The following CLMP variants were observed in gnomAD, a reference collection of about 807,000 sequenced individuals.
The protein encoded by CLMP is CXADR like cell adhesion molecule.
A neutral mutation model predicts 45.2 loss-of-function variants in CLMP; 27 were observed. The ratio of observed to expected loss-of-function variants is 0.60; its 90% CI spans 0.44 to 0.82. The LOEUF is 0.82. CLMP is among the 40% of genes least tolerant of loss of function. The pLI is 0.00. For missense variants in CLMP, 403 were observed against 448.4 expected (o/e 0.90, Z 0.91); for synonymous variants, 167 against 171.4 (o/e 0.97, Z 0.20).
chr11:123,171,384 G>C (rs1445445961), intron 1 of CLMP, among the ~76,000 whole-genome samples: 1 of 151,820 alleles, frequency 6.6e-6, no homozygotes, highest in Admixed American at 6.6e-5. Context: ...GAGTGGGACT[G>C]GAGAAGGGAG....
intron 1 of CLMP, among the ~76,000 whole-genome samples, chr11:123,185,500 T>A (rs1861821912): frequency 2.6e-5 from 4 of 151,916 alleles, no homozygotes. Context: ...GGGAACAGGG[T>A]GTGAGAGGCA....
At chr11:123,167,222 T>C (rs1861569163) in intron 1 of CLMP, among the ~76,000 whole-genome samples, 1 of 152,184 alleles carries the variant, frequency 6.6e-6, no homozygotes, top group Non-Finnish European at 1.5e-5. Flanking sequence ...TACAGAGAAG[T>C]TCAACTTGTT....
intron 1 of CLMP, among the ~76,000 whole-genome samples, chr11:123,148,529 C>T (rs1861270203): frequency 6.6e-6 from 1 of 152,216 alleles, no homozygotes; most frequent in Non-Finnish European, 1.5e-5. Flanking sequence ...TTTCTTCTGT[C>T]TCATACTAGT....
chr11:123,129,637 A>T (rs1860956871), intron 1 of CLMP, among the ~76,000 whole-genome samples: 1 of 142,112 alleles, frequency 7.0e-6, no homozygotes, highest in Non-Finnish European at 1.5e-5. Flanking sequence ...AATATATATT[A>T]TATGATATAT....
chr11:123,171,718 G>A (rs116950633), intron 1 of CLMP, among the ~76,000 whole-genome samples: 2,603 of 152,038 alleles, frequency 0.017, 113 homozygotes, highest in Admixed American at 0.091. Context: ...TGCTGGGATT[G>A]CAGGCATGAG....
chr11:123,123,982 C>G (rs1465144141), intron 1 of CLMP, among the ~76,000 whole-genome samples: 4 of 151,998 alleles, frequency 2.6e-5, no homozygotes, highest in Admixed American at 6.6e-5. Flanking sequence ...GGAATGAACT[C>G]ATTACTCAGG....
At chr11:123,081,897 A>C (rs11218961) in intron 5 of CLMP, among the ~76,000 whole-genome samples, 1 of 151,674 alleles carries the variant, frequency 6.6e-6, no homozygotes, top group Non-Finnish European at 1.5e-5. Context: ...GAAAAACTCT[A>C]TGAGACAGTT....
intron 1 of CLMP, among the ~76,000 whole-genome samples, chr11:123,127,137 T>C (rs967380143): frequency 3.2e-4 from 49 of 152,172 alleles, no homozygotes; most frequent in Non-Finnish European, 6.6e-4. Flanking sequence ...TTCTTGTTTT[T>C]TTGAGACAGA....
At chr11:123,192,580 G>C (rs1285217665) in intron 1 of CLMP, among the ~76,000 whole-genome samples, 1 of 152,174 alleles carries the variant, frequency 6.6e-6, no homozygotes, top group African/African-American at 2.4e-5. Context: ...TTACGGGAGT[G>C]AGGCAGGATA....
At position 123,172,092 on chromosome 11, in the gene CLMP, G is replaced by A. The variant is rs997634148; in HGVS notation, c.28+22821C>T. ...AAAATTTCTTTGTCATCTGTTTTAC[G>A]AGCAGTGTTATATTTGATTATATAG... On this transcript the variant is annotated intron_variant, in intron 1 of 6. Transcript: ENST00000448775. Among the ~76,000 whole-genome samples, 8 of 151,724 alleles carry A rather than the reference G, an allele frequency of 5.3e-5. No homozygotes were observed. In the East Asian group the frequency reaches 5.8e-4, roughly 11 times the overall value.
At chr11:123,165,873 A>G (rs1175153160) in intron 1 of CLMP, among the ~76,000 whole-genome samples, 1 of 152,194 alleles carries the variant, frequency 6.6e-6, no homozygotes, top group East Asian at 1.9e-4. Flanking sequence ...GGTGATGTAG[A>G]GAGGCCGGCC....
chr11:123,156,365 C>T (rs768527909), intron 1 of CLMP, among the ~76,000 whole-genome samples: 1 of 152,200 alleles, frequency 6.6e-6, no homozygotes, highest in Non-Finnish European at 1.5e-5. Context: ...AGAACAGAAG[C>T]AGATCCTTTA....
chr11:123,183,552 C>T (rs999936160), intron 1 of CLMP, among the ~76,000 whole-genome samples: 1 of 152,142 alleles, frequency 6.6e-6, no homozygotes, highest in Admixed American at 6.5e-5. Context: ...CTTTGAGTAG[C>T]AAGATACTCT....
chr11:123,157,309 C>T (rs956435525), intron 1 of CLMP, among the ~76,000 whole-genome samples: 1 of 152,122 alleles, frequency 6.6e-6, no homozygotes, highest in Non-Finnish European at 1.5e-5. Flanking sequence ...AATCCCAGCA[C>T]TTTGGGAGGT....
intron 1 of CLMP, among the ~76,000 whole-genome samples, chr11:123,169,588 A>C (rs1376495109): frequency 1.3e-5 from 2 of 151,984 alleles, no homozygotes; most frequent in Non-Finnish European, 1.5e-5. Context: ...CTCTTACCCC[A>C]TTTTTCATCC....
chr11:123,120,638 G>A (rs1454570995), intron 1 of CLMP, among the ~76,000 whole-genome samples: 1 of 151,998 alleles, frequency 6.6e-6, no homozygotes, highest in African/African-American at 2.4e-5. Context: ...TTTAATACAT[G>A]TCTGAAACAT....
intron 2 of CLMP, among the ~76,000 whole-genome samples, chr11:123,097,564 G>C (rs559123859): frequency 1.3e-5 from 2 of 152,186 alleles, no homozygotes; most frequent in Admixed American, 1.3e-4. Flanking sequence ...CCTGACCTCA[G>C]GTGATCCACC....
At chr11:123,149,740 T>C (rs994298919) in intron 1 of CLMP, among the ~76,000 whole-genome samples, 19 of 152,070 alleles carry the variant, frequency 1.2e-4, no homozygotes, top group African/African-American at 4.3e-4. Context: ...AGAGAGGTTC[T>C]CAAAGGGAAA....
chr11:123,108,914 C>T (rs948164117), intron 1 of CLMP, among the ~76,000 whole-genome samples: 1 of 151,848 alleles, frequency 6.6e-6, no homozygotes, highest in Admixed American at 6.6e-5. Context: ...ACAAAATTAG[C>T]AGGTTGTGAT....
Sources: allele counts gnomAD v4.1 joint callset (sites outside exome capture counted in the v4.1 genomes callset), GRCh38; gene constraint gnomAD v4.1.1; transcripts MANE v1.5; gene names NCBI Gene and HGNC (gene_info 2026-07-23, HGNC 2026-07-21).